The following SLC25A22 variants were observed in gnomAD, a reference collection of about 807,000 sequenced individuals.
SLC25A22 encodes the protein mitochondrial glutamate carrier 1.
In SLC25A22, 23 loss-of-function variants were observed where a neutral mutation model predicts 33.7. The observed-to-expected ratio is 0.68, with a 90% CI of 0.49 to 0.97. The LOEUF (loss-of-function observed/expected upper bound fraction) is 0.97. SLC25A22 is among the 50% of genes least tolerant of loss of function. The pLI is 0.00. For synonymous variants in SLC25A22, 245 were observed against 203.8 expected (o/e 1.20, Z -1.72); for missense variants, 390 against 451.1 (o/e 0.86, Z 1.23).
At chr11:792,089 G>T (rs1194198413) in intron 9 of SLC25A22, 21 bp from the exon 10 acceptor site, 1 of 1,599,702 alleles carries the variant, frequency 6.3e-7, no homozygotes, top group Non-Finnish European at 8.5e-7. Flanking sequence ...AGGACGAAAG[G>T]GTCAGCCCGG....
chr11:798,126 C>T, intron 1 of SLC25A22, 91 bp downstream of exon 1: 1 of 398,158 alleles, frequency 2.5e-6, no homozygotes, highest in Non-Finnish European at 4.4e-6. Flanking sequence ...GCAGCTGTCA[C>T]CTCCCTCGGC....
intron 5 of SLC25A22, among the ~76,000 whole-genome samples, chr11:793,190 C>A (rs1172534063): frequency 2.0e-5 from 3 of 152,102 alleles, no homozygotes; most frequent in African/African-American, 7.2e-5. Flanking sequence ...CAGGCAGGGG[C>A]CTGGGGAGGG....
Position 793,602 on chromosome 11 carries a change from T to C in SLC25A22, c.220A>G (p.Thr74Ala). Residue 74 changes from threonine to alanine, a missense_variant, in exon 5 of 10, where the codon ACC (threonine) becomes GCC (alanine). Coordinates refer to ENST00000628067, the MANE Select transcript of SLC25A22 (RefSeq NM_001191061.2). ...GMYRGAAVNL[T>A]LVTPEKAIKL... Reference sequence around the variant, plus strand: ...ATGGCCTTCTCGGGGGTGACGAGGGTCAAGTTCACAGCAGCTCCTGTGGGG... The same window carrying C: ...ATGGCCTTCTCGGGGGTGACGAGGGCCAAGTTCACAGCAGCTCCTGTGGGG... The C allele has an allele frequency of 6.8e-6, 11 of 1,609,346 alleles. No individual in the cohort carries two copies. Among genetic ancestry groups the C allele is most frequent in the Non-Finnish European group, 9.3e-6 (11 of 1,179,682 alleles).
In SLC25A22 at chr11:791,896, G is replaced by C. The variant is rs1258011670; in HGVS notation, c.*19C>G. ...ACACCGGCCCTGCCCAGCTGGCTGG[G>C]GTGGAGCGGGTGCTGGGCTCAGGCC... On this transcript the variant is annotated 3_prime_UTR_variant, in exon 10 of 10. Transcript: ENST00000628067. The C allele has an allele frequency of 6.3e-7, 1 of 1,581,006 alleles. No individual in the cohort carries two copies. Among genetic ancestry groups the C allele is most frequent in the Non-Finnish European group, 8.5e-7 (1 of 1,171,092 alleles).
At position 792,273 on chromosome 11, in the gene SLC25A22, T is replaced by A. The variant is rs764959934; in HGVS notation, c.742+31A>T. 3.4e-5 allele frequency: 55 copies of A among 1,612,804 alleles called. 1 individual carries two copies. The South Asian group carries it at 5.8e-4, about 17-fold the overall frequency. On this transcript the variant is annotated intron_variant, in intron 8 of 9. Transcript: ENST00000628067. ...TGGCCAAGGGCTCAGTCCCGCCCCA[T>A]CCCCAGCCGGGCGCCATCCCATGCA...
rs781057144 is a variant in SLC25A22, at chr11:791,979, T to C, written c.908A>G (p.Gln303Arg). ...CGCGATGCCCAGGAAGTAGACCACC[T>C]GTGCGATGCCGAAAAGGGGCGCGAT... ...LVIAPLFGIA[Q>R]VVYFLGIAES... Residue 303 changes from glutamine (Q) to arginine (R), a missense_variant, in exon 10 of 10, where the codon CAG (glutamine) becomes CGG (arginine). By Grantham distance (43) the Gln-to-Arg change is conservative. Transcript: ENST00000628067. The C allele has an allele frequency of 6.2e-7, 1 of 1,609,244 alleles. No homozygotes were observed. Among genetic ancestry groups the C allele is most frequent in the South Asian group, 1.1e-5 (1 of 90,858 alleles).
chr11:793,339 CA>C, intron 5 of SLC25A22, 189 bp downstream of exon 5: 1 of 647,668 alleles, frequency 1.5e-6, no homozygotes, highest in Admixed American at 2.4e-5. Flanking sequence ...GCCAGAGCCC[CA>C]CTGATTTGAC....
At chr11:795,428 C>T (rs1297336581) in intron 1 of SLC25A22, 1 of 369,886 alleles carries the variant, frequency 2.7e-6, no homozygotes, top group Non-Finnish European at 5.2e-6. Context: ...ACGCTCGGGG[C>T]TCACGTGCAC....
At chr11:794,927 G>A (rs200253607) in intron 2 of SLC25A22, 26 bp from the exon 3 acceptor site, 5 of 1,563,852 alleles carry the variant, frequency 3.2e-6, no homozygotes, top group East Asian at 2.4e-5. Flanking sequence ...TGTCAGGACC[G>A]GCTTCCTTGA....
chr11:792,862 G>A lies in SLC25A22; in HGVS notation c.412+8C>T, dbSNP rs760438511. On this transcript the variant is annotated splice_region_variant and intron_variant, in intron 6 of 9. Transcript: ENST00000628067. ...TCTGCCCTCTCCTCCCCCTCCCCCC[G>A]CCCTCACCAATGCGCCCTGCATCCT... 12 of 1,344,822 alleles carry A rather than the reference G, an allele frequency of 8.9e-6. No homozygotes were observed. Among genetic ancestry groups the A allele is most frequent in the Middle Eastern group, 2.0e-4 (1 of 5,042 alleles). The allele number at this position is 1,344,822 out of a possible 1,614,324, so 83.3% of individuals were successfully genotyped here.
At chr11:797,802 C>T (rs1400615773) in intron 1 of SLC25A22, 1 of 398,560 alleles carries the variant, frequency 2.5e-6, no homozygotes, top group African/African-American at 2.1e-5. Context: ...GCTCTCTGCG[C>T]TCGGAGGCCG....
Position 791,783 on chromosome 11 carries a change from C to A in SLC25A22, c.*132G>T. On this transcript the variant is annotated 3_prime_UTR_variant, in exon 10 of 10. Transcript: ENST00000628067. ...GTGCACCACCTATGTGGACCCTGCACCCTGCCCCCTGCTGCCCCTGCCGAC... is the reference window on the plus strand; with the variant it reads ...GTGCACCACCTATGTGGACCCTGCAACCTGCCCCCTGCTGCCCCTGCCGAC... 1 of 1,297,302 alleles carries A rather than the reference C, an allele frequency of 7.7e-7. No individual in the cohort carries two copies. Among genetic ancestry groups the A allele is most frequent in the South Asian group, 1.5e-5 (1 of 66,716 alleles). 80.4% of individuals were successfully genotyped at this position (1,297,302 alleles called of 1,614,324 possible).
rs895500520 is a variant in SLC25A22 at position 791,789 on chromosome 11, C to T, written c.*126G>A. On this transcript the variant is annotated 3_prime_UTR_variant, in exon 10 of 10. Coordinates refer to ENST00000628067, the MANE Select transcript of SLC25A22 (RefSeq NM_001191061.2). ...CACCTATGTGGACCCTGCACCCTGCCCCCTGCTGCCCCTGCCGACGGGAGG... is the reference window on the plus strand; with the variant it reads ...CACCTATGTGGACCCTGCACCCTGCTCCCTGCTGCCCCTGCCGACGGGAGG... 4.5e-6 allele frequency: 6 copies of T among 1,329,174 alleles called. No individual in the cohort carries two copies. The highest frequency in any genetic ancestry group is 1.5e-5 in the African/African-American group (1 of 68,122). The allele number at this position is 1,329,174 out of a possible 1,614,324, so 82.3% of individuals were successfully genotyped here.
chr11:793,722 C>T (rs1864654393), intron 4 of SLC25A22, 103 bp from the exon 5 acceptor site: 1 of 796,998 alleles, frequency 1.3e-6, no homozygotes, highest in Non-Finnish European at 2.1e-6. Context: ...GTCCCAGTCA[C>T]TCCTGGCCAC....
chr11:795,411 GCCGCTCACGCT>G, intron 1 of SLC25A22: 1 of 305,620 alleles, frequency 3.3e-6, no homozygotes, highest in Non-Finnish European at 6.0e-6. Flanking sequence ...AGCCTCACAC[GCCGCTCACGCT>G]CGGGGCTCAC....
chr11:796,581 C>CCT (rs1746410498), intron 1 of SLC25A22, among the ~76,000 whole-genome samples: 1 of 152,174 alleles, frequency 6.6e-6, no homozygotes, highest in East Asian at 1.9e-4. Context: ...GGCCAGGGTA[C>CCT]CCTGTATGTA....
In SLC25A22 at chr11:795,090, G is replaced by A; in HGVS notation, c.-84C>T. The A allele has an allele frequency of 2.0e-6, 3 of 1,512,028 alleles. No homozygotes were observed. The highest frequency in any genetic ancestry group is 4.9e-5 in the East Asian group (2 of 40,780). 93.7% of individuals were successfully genotyped at this position (1,512,028 alleles called of 1,614,324 possible). ...GAGGTGGAGGTGGAGGAGGCCTTGA[G>A]GGAGGGTGGGACCCAGGGGGGTTGG... On this transcript the variant is annotated 5_prime_UTR_variant, in exon 2 of 10. Coordinates refer to ENST00000628067, the MANE Select transcript of SLC25A22 (RefSeq NM_001191061.2).
In SLC25A22 at chr11:792,455, A is replaced by T; in HGVS notation, c.591T>A (p.Asp197Glu). ...GGAAGTACACCACAGAGAAGGGGAC[A>T]TCCCTGTGGGGAGGGAGGTGGCCGT... ...YKGLGATLLR[D>E]VPFSVVYFPL... Residue 197 changes from aspartate to glutamate, a missense_variant, in exon 8 of 10, where the codon GAT (aspartate) becomes GAA (glutamate). Asp to Glu is a conservative substitution (Grantham distance 45, BLOSUM62 2). Transcript: ENST00000628067. 1 of 1,613,246 alleles carries T rather than the reference A, an allele frequency of 6.2e-7. No individual in the cohort carries two copies. The highest frequency in any genetic ancestry group is 8.5e-7 in the Non-Finnish European group (1 of 1,179,914).
In SLC25A22 at chr11:792,855, T is replaced by TCC; in HGVS notation, c.412+13_412+14dup. 1 of 523,172 alleles carries TCC rather than the reference T, an allele frequency of 1.9e-6. No homozygotes were observed. The highest frequency in any genetic ancestry group is 2.9e-6 in the Non-Finnish European group (1 of 349,418). The allele number at this position is 523,172 out of a possible 1,614,324, so 32.4% of individuals were successfully genotyped here. A position where few individuals can be genotyped will look rare whatever the true frequency, so the allele number is the denominator to read the frequency against. On this transcript the variant is annotated intron_variant, in intron 6 of 9. Transcript: ENST00000628067. ...CCGCACCTCTGCCCTCTCCTCCCCC[T>TCC]CCCCCCGCCCTCACCAATGCGCCCT...
Sources: gnomAD v4.1 joint callset for allele counts (sites outside exome capture counted in the v4.1 genomes callset) on GRCh38, gnomAD v4.1.1 for gene constraint, MANE v1.5 for transcripts, NCBI Gene and HGNC (gene_info 2026-07-23, HGNC 2026-07-21) for gene names.